The following PTPN5 variants were observed in gnomAD, a reference collection of about 807,000 sequenced individuals.
The protein encoded by PTPN5 is tyrosine-protein phosphatase non-receptor type 5.
Under a neutral mutation model 73.9 loss-of-function variants are expected in PTPN5, and 29 were observed. The ratio of observed to expected loss-of-function variants is 0.39; its 90% CI spans 0.29 to 0.54. The LOEUF (loss-of-function observed/expected upper bound fraction) is 0.54, where lower values mean the gene tolerates loss of function less well. Ranked by LOEUF, PTPN5 falls within the 20% of genes least tolerant of loss-of-function variation. PTPN5 has a pLI of 0.65. For missense variants in PTPN5, 652 were observed against 751.4 expected, an observed-to-expected ratio of 0.87 and a Z score of 1.55; for synonymous variants, 267 against 304.7, an observed-to-expected ratio of 0.88 and a Z score of 1.29.
intron 3 of PTPN5, among the ~76,000 whole-genome samples, chr11:18,753,890 T>C (rs1315437976): frequency 1.3e-5 from 2 of 151,980 alleles, no homozygotes; most frequent in East Asian, 3.9e-4. Flanking sequence ...AGAAACACAG[T>C]GTTGAGTAAA....
chr11:18,744,839 C>T (rs1362403204), intron 3 of PTPN5, among the ~76,000 whole-genome samples: 2 of 152,202 alleles, frequency 1.3e-5, no homozygotes, highest in African/African-American at 4.8e-5. Context: ...AGAGTCACTC[C>T]CTCTCTGGAT....
chr11:18,777,253 T>C (rs1002878331), intron 1 of PTPN5, among the ~76,000 whole-genome samples: 3 of 152,360 alleles, frequency 2.0e-5, no homozygotes, highest in Middle Eastern at 3.4e-3. Flanking sequence ...GCTCCCCCAC[T>C]GGCTGCCTGA....
At chr11:18,738,369 A>T (rs1849211214) in intron 8 of PTPN5, among the ~76,000 whole-genome samples, 1 of 152,014 alleles carries the variant, frequency 6.6e-6, no homozygotes, top group South Asian at 2.1e-4. Context: ...CCCCATCCTC[A>T]TCTCATGTCC....
chr11:18,761,720 T>G (rs1036537453), intron 3 of PTPN5, among the ~76,000 whole-genome samples: 2 of 151,888 alleles, frequency 1.3e-5, no homozygotes, highest in African/African-American at 4.8e-5. Context: ...TTCAAGAGTG[T>G]GCGTGAAGAA....
rs765858895 is a variant in PTPN5, at chr11:18,742,399, C to A, written c.588G>T (p.Trp196Cys). 3.1e-6 allele frequency: 5 copies of A among 1,614,170 alleles called. No individual in the cohort carries two copies. In the South Asian group the frequency reaches 5.5e-5, roughly 18 times the overall value. The change falls in exon 7 of 15, where the codon TGG (tryptophan) becomes TGT (cysteine). Residue 196 changes from tryptophan (W) to cysteine (C), a missense_variant. By Grantham distance (215) the Trp-to-Cys change is radical (BLOSUM62 -2). Around this residue, in one of 3 missense-constraint regions of PTPN5, gnomAD observed 529 missense variants for 573.9 expected, o/e 0.92. Transcript: ENST00000358540. The surrounding 1 kb of genome is among the most constrained non-coding windows in gnomAD (Gnocchi z 4.1). ...AGTCATCCTCGATCTTCTCCTCCAT[C>A]CACTCTGAGTAGGTGAAGGAGGGCT... is the stretch of plus-strand genomic sequence containing the variant. Reference protein sequence around the residue: ...SRQPSFTYSEWMEEKIEDDFL... With the variant: ...SRQPSFTYSECMEEKIEDDFL...
At chr11:18,743,529 G>T in intron 4 of PTPN5, 100 bp from the exon 5 acceptor site, 1 of 1,079,766 alleles carries the variant, frequency 9.3e-7, no homozygotes, top group Non-Finnish European at 1.4e-6. Flanking sequence ...CTGCATGGAG[G>T]CTCCTGAACC....
chr11:18,791,508 G>C lies in PTPN5; in HGVS notation c.-114+17C>G, dbSNP rs1043920531. On this transcript the variant is annotated intron_variant, in intron 1 of 14. Transcript: ENST00000358540. ...CGGCTCCGCACACAAAGGCGCAGAC[G>C]GAGGCGCCGCACTTACCGGCCAGAG... 1 of 152,318 alleles carries C rather than the reference G, an allele frequency of 6.6e-6. No individual in the cohort carries two copies. Among genetic ancestry groups the C allele is most frequent in the Non-Finnish European group, 1.5e-5 (1 of 68,152 alleles). 9.4% of individuals were successfully genotyped at this position (152,318 alleles called of 1,614,324 possible).
chr11:18,766,031 C>T, intron 2 of PTPN5, 148 bp from the exon 3 acceptor site: 2 of 675,124 alleles, frequency 3.0e-6, no homozygotes, highest in South Asian at 3.3e-5. Context: ...AAAATACCAG[C>T]CTGTTGAGGG....
At chr11:18,730,119 AG>A (rs1164461481) in intron 12 of PTPN5, 3 of 520,558 alleles carry the variant, frequency 5.8e-6, no homozygotes, top group African/African-American at 2.0e-5. Flanking sequence ...TACTATCTCC[AG>A]GGTTCCTTAT....
Position 18,742,927 on chromosome 11 carries a change from G to T in PTPN5, c.483+65C>A, listed in dbSNP as rs1849437150. On this transcript the variant is annotated intron_variant, in intron 6 of 14. Transcript: ENST00000358540. This position sits in a 1 kb window ranked among gnomAD's most constrained non-coding sequence, Gnocchi z 4.1. ...CAGCCTATAAGTCAGATGGGAGCTGGTAGAAATCCAGGCCTCAAGGTCAGA... is the reference window on the plus strand; with the variant it reads ...CAGCCTATAAGTCAGATGGGAGCTGTTAGAAATCCAGGCCTCAAGGTCAGA... 9.3e-7 allele frequency: 1 copy of T among 1,076,926 alleles called. No homozygotes were observed. The highest frequency in any genetic ancestry group is 1.4e-6 in the Non-Finnish European group (1 of 716,050). The allele number at this position is 1,076,926 out of a possible 1,614,324, so 66.7% of individuals were successfully genotyped here.
At position 18,752,380 on chromosome 11, in the gene PTPN5, G is replaced by A. The variant is rs138935441; in HGVS notation, c.98-8181C>T. ...ATGATGGGGAAAGGGGAGAGTGAGG[G>A]AGAGGCAGCAGTAAGGATTTCCCTT... On this transcript the variant is annotated intron_variant, in intron 3 of 14. Transcript: ENST00000358540. Among the ~76,000 whole-genome samples, 898 of 152,238 alleles carry A rather than the reference G, an allele frequency of 5.9e-3. 5 individuals carry two copies. Among genetic ancestry groups the A allele is most frequent in the Middle Eastern group, 0.024 (7 of 294 alleles).
chr11:18,734,466 G>A (rs1229909482), intron 9 of PTPN5, among the ~76,000 whole-genome samples: 5 of 152,248 alleles, frequency 3.3e-5, no homozygotes, highest in Admixed American at 3.3e-4. Context: ...TAAGCCATGA[G>A]CCACTGCACC....
intron 12 of PTPN5, 74 bp downstream of exon 12, chr11:18,732,518 C>A (rs1009217248): frequency 1.8e-6 from 2 of 1,088,902 alleles, no homozygotes; most frequent in Non-Finnish European, 2.8e-6. Context: ...CTTGGGGGAC[C>A]TGTTCTCTGT....
At chr11:18,740,579 G>A in intron 8 of PTPN5, 24 bp downstream of exon 8, 3 of 1,516,574 alleles carry the variant, frequency 2.0e-6, no homozygotes, top group Non-Finnish European at 2.7e-6. Flanking sequence ...CACACAGTGG[G>A]GCGACCGGCT....
intron 1 of PTPN5, among the ~76,000 whole-genome samples, chr11:18,784,204 C>A (rs771490919): frequency 2.6e-5 from 4 of 152,190 alleles, no homozygotes; most frequent in Non-Finnish European, 4.4e-5. Flanking sequence ...GGGGCTCAAA[C>A]AGATCCTGGC....
At chr11:18,774,181 C>T (rs1851037615) in intron 1 of PTPN5, among the ~76,000 whole-genome samples, 1 of 152,202 alleles carries the variant, frequency 6.6e-6, no homozygotes, top group Non-Finnish European at 1.5e-5. Context: ...CAACACCTTC[C>T]ACACAGGATG....
In PTPN5 at chr11:18,766,384, T is replaced by C. The variant is rs560460159; in HGVS notation, c.21-501A>G. 5.9e-5 allele frequency among the ~76,000 whole-genome samples: 9 copies of C among 152,318 alleles called. No homozygotes were observed. The South Asian group carries it at 1.2e-3, about 21-fold the overall frequency. ...TCCTAGTTCCAGTAGTTTTGAACCA[T>C]GGGTGGACAAGAAGAGGGCTCTGAG... On this transcript the variant is annotated intron_variant, in intron 2 of 14. Transcript: ENST00000358540.
Position 18,764,914 on chromosome 11 carries a change from A to G in PTPN5, c.97+893T>C, listed in dbSNP as rs190166071. 6.8e-3 allele frequency among the ~76,000 whole-genome samples: 1,031 copies of G among 152,148 alleles called. 7 individuals are homozygous for G. Among genetic ancestry groups the G allele is most frequent in the Middle Eastern group, 0.01 (3 of 294 alleles). On this transcript the variant is annotated intron_variant, in intron 3 of 14. Coordinates refer to ENST00000358540, the MANE Select transcript of PTPN5 (RefSeq NM_006906.2). ...TTTTTAGTAGAGACGGAGTTTCACC[A>G]TGTTAGCCAGGATGGTCTCGATCTC...
chr11:18,744,265 C>CT, intron 3 of PTPN5, 66 bp from the exon 4 acceptor site: 1 of 1,378,590 alleles, frequency 7.3e-7, no homozygotes, highest in South Asian at 1.8e-5. Context: ...TCTGCCACCC[C>CT]TTTTGGGGTG....
Sources: gnomAD v4.1 joint callset for allele counts (sites outside exome capture counted in the v4.1 genomes callset) on GRCh38, gnomAD v4.1.1 for gene constraint, gnomAD v4.1.1 regional missense constraint, Gnocchi (gnomAD v3.1) non-coding constraint, MANE v1.5 for transcripts, NCBI Gene and HGNC (gene_info 2026-07-23, HGNC 2026-07-21) for gene names.